The following ZNF492 variants were observed in gnomAD, a reference collection of about 807,000 sequenced individuals.
ZNF492 encodes zinc finger protein 492, also known as zinc finger protein 115 (Y20).
In ZNF492, 3 loss-of-function variants were observed where a neutral mutation model predicts 6.4. The observed-to-expected ratio is 0.47, with a 90% CI of 0.21 to 1.22. The LOEUF (loss-of-function observed/expected upper bound fraction) is 1.22. Ranked by LOEUF, ZNF492 falls within the 50% of genes most tolerant of loss-of-function variation. The probability of loss-of-function intolerance (pLI) is 0.22; values close to 1 mark genes in which losing one functional copy is unlikely to be tolerated. For synonymous variants in ZNF492, 112 were observed against 205.3 expected, an observed-to-expected ratio of 0.55 and a Z score of 3.89; for missense variants, 356 against 612.5, an observed-to-expected ratio of 0.58 and a Z score of 4.42.
rs187974246 is a variant in ZNF492 at position 22,649,610 on chromosome 19, G to A, written c.-93-3697G>A. On this transcript the variant is annotated intron_variant, in intron 1 of 3. Coordinates refer to ENST00000456783, the MANE Select transcript of ZNF492 (RefSeq NM_020855.3). ...TTTTTATGTAGTCCCATATTTCTCGGAGGCTTTGTTCATTCTTGTTCATTC... is the reference window on the plus strand; with the variant it reads ...TTTTTATGTAGTCCCATATTTCTCGAAGGCTTTGTTCATTCTTGTTCATTC... Among the ~76,000 whole-genome samples, 28 of 151,720 alleles carry A rather than the reference G, an allele frequency of 1.8e-4. No homozygotes were observed. In the South Asian group the frequency reaches 5.4e-3, roughly 30 times the overall value.
At chr19:22,655,310 C>A (rs1275096306) in intron 3 of ZNF492, among the ~76,000 whole-genome samples, 3 of 151,538 alleles carry the variant, frequency 2.0e-5, no homozygotes, top group South Asian at 2.1e-4. Context: ...AAAAAAAATT[C>A]TTTCAATCAA....
At chr19:22,659,561 T>TACACACACACACAC (rs569041771) in intron 3 of ZNF492, among the ~76,000 whole-genome samples, 198 of 138,740 alleles carry the variant, frequency 1.4e-3, no homozygotes, top group Non-Finnish European at 1.8e-3. Context: ...TAATGTGAGA[T>TACACACACACACAC]ACACACACAC....
At chr19:22,639,505 G>A (rs1287771242) in intron 1 of ZNF492, among the ~76,000 whole-genome samples, 3 of 151,926 alleles carry the variant, frequency 2.0e-5, no homozygotes, top group Admixed American at 2.0e-4. Context: ...GAGGTCGGAA[G>A]TTCAAGACCA....
chr19:22,649,438 G>A (rs1486346927), intron 1 of ZNF492, among the ~76,000 whole-genome samples: 3 of 152,120 alleles, frequency 2.0e-5, no homozygotes, highest in African/African-American at 7.2e-5. Context: ...TATCTTAGTG[G>A]TGTTCTTGGT....
chr19:22,658,721 G>A (rs1403564253), intron 3 of ZNF492, among the ~76,000 whole-genome samples: 1 of 142,248 alleles, frequency 7.0e-6, no homozygotes, highest in African/African-American at 2.9e-5. Flanking sequence ...TATATCTGCT[G>A]AACGATTTGG....
chr19:22,656,548 G>T (rs1971998322), intron 3 of ZNF492, among the ~76,000 whole-genome samples: 1 of 152,022 alleles, frequency 6.6e-6, no homozygotes, highest in Non-Finnish European at 1.5e-5. Context: ...ACTGCTTCAG[G>T]GACCACAGTA....
At chr19:22,654,227 G>A (rs1971970981) in intron 3 of ZNF492, among the ~76,000 whole-genome samples, 1 of 152,092 alleles carries the variant, frequency 6.6e-6, no homozygotes, top group Non-Finnish European at 1.5e-5. Context: ...TCCCTTTGGT[G>A]ATCTTCTTCA....
At chr19:22,639,074 T>C (rs895752726) in intron 1 of ZNF492, among the ~76,000 whole-genome samples, 5 of 151,972 alleles carry the variant, frequency 3.3e-5, no homozygotes, top group Admixed American at 2.6e-4. Flanking sequence ...ACTCCTGACC[T>C]CGTGATCCAC....
intron 1 of ZNF492, among the ~76,000 whole-genome samples, chr19:22,652,079 G>GTTAATAA: frequency 6.6e-6 from 1 of 152,132 alleles, no homozygotes; most frequent in South Asian, 2.1e-4. Flanking sequence ...TGCACTTGAT[G>GTTAATAA]TTAATAACTC....
At chr19:22,636,546 T>TGTGTGTGTG (rs1971767032) in intron 1 of ZNF492, among the ~76,000 whole-genome samples, 1 of 103,356 alleles carries the variant, frequency 9.7e-6, no homozygotes, top group Non-Finnish European at 2.0e-5. Context: ...GTGTGTGTGT[T>TGTGTGTGTG]TGTGTGTGTG....
intron 3 of ZNF492, among the ~76,000 whole-genome samples, chr19:22,662,196 T>C (rs1332357583): frequency 6.6e-6 from 1 of 152,130 alleles, no homozygotes. Context: ...TGGTTTTCTG[T>C]CCTTGTGATA....
At chr19:22,653,265 G>A in intron 1 of ZNF492, 42 bp from the exon 2 acceptor site, 1 of 1,599,122 alleles carries the variant, frequency 6.3e-7, no homozygotes, top group South Asian at 1.1e-5. Flanking sequence ...TTCTGTTCAT[G>A]GCCACTTGGT....
intron 1 of ZNF492, among the ~76,000 whole-genome samples, chr19:22,638,905 C>T (rs1001496566): frequency 3.3e-5 from 5 of 151,976 alleles, no homozygotes; most frequent in Non-Finnish European, 7.4e-5. Flanking sequence ...TGCAGTGGTG[C>T]GATTTCGGCT....
intron 1 of ZNF492, among the ~76,000 whole-genome samples, chr19:22,639,102 AGTGCT>A (rs1339300957): frequency 2.6e-5 from 4 of 152,010 alleles, no homozygotes; most frequent in African/African-American, 9.7e-5. Flanking sequence ...AGCCTCCCAA[AGTGCT>A]GGGACTACAG....
At chr19:22,661,775 T>C (rs1972061114) in intron 3 of ZNF492, among the ~76,000 whole-genome samples, 1 of 152,124 alleles carries the variant, frequency 6.6e-6, no homozygotes, top group Admixed American at 6.5e-5. Context: ...TTTGTATTTT[T>C]AGTAGAGACA....
rs747106123 is a variant in ZNF492, at chr19:22,653,921, T to G, written c.36T>G (p.Gly12=). Residue 12 remains glycine (G), a splice_region_variant and synonymous_variant, in exon 3 of 4, where the codon GGT becomes GGG. Coordinates refer to ENST00000456783, the MANE Select transcript of ZNF492 (RefSeq NM_020855.3). ...LENYRNLVFV[G]IAASKPDLIT... ...TTCATGTTATTTGTAATAAAACAGG[T>G]ATTGCTGCCTCTAAGCCAGACCTGA... 3 of 1,581,314 alleles carry G rather than the reference T, an allele frequency of 1.9e-6. No individual in the cohort carries two copies. The highest frequency in any genetic ancestry group is 2.8e-5 in the African/African-American group (2 of 72,586).
At chr19:22,658,167 G>A (rs562012008) in intron 3 of ZNF492, among the ~76,000 whole-genome samples, 1 of 152,112 alleles carries the variant, frequency 6.6e-6, no homozygotes, top group African/African-American at 2.4e-5. Flanking sequence ...GTTCACGTCT[G>A]TAATCCCCGG....
At chr19:22,643,608 T>G (rs1971850422) in intron 1 of ZNF492, among the ~76,000 whole-genome samples, 1 of 152,212 alleles carries the variant, frequency 6.6e-6, no homozygotes, top group Non-Finnish European at 1.5e-5. Flanking sequence ...CATTACCAAG[T>G]GATTTATAAG....
intron 1 of ZNF492, among the ~76,000 whole-genome samples, chr19:22,640,291 C>T (rs1192290622): frequency 6.6e-6 from 1 of 151,948 alleles, no homozygotes; most frequent in Non-Finnish European, 1.5e-5. Context: ...GCCTCCCAAG[C>T]AGCTGAATTA....
Sources: allele counts gnomAD v4.1 joint callset (sites outside exome capture counted in the v4.1 genomes callset), GRCh38; gene constraint gnomAD v4.1.1; transcripts MANE v1.5; gene names NCBI Gene and HGNC (gene_info 2026-07-23, HGNC 2026-07-21).